The following IYD variants were observed in gnomAD, a reference collection of about 807,000 sequenced individuals.
IYD encodes iodotyrosine deiodinase.
Under a neutral mutation model 28.4 loss-of-function variants are expected in IYD, and 25 were observed. That is an observed-to-expected ratio of 0.88 (90% confidence interval 0.64 to 1.23). The LOEUF is 1.23. IYD is among the 50% of genes most tolerant of loss of function. The pLI is 0.00. For synonymous variants in IYD, 140 were observed against 130.8 expected, an observed-to-expected ratio of 1.07 and a Z score of -0.48; for missense variants, 352 against 357.9, an observed-to-expected ratio of 0.98 and a Z score of 0.13.
At chr6:150,377,768 C>T (rs1777502198) in intron 1 of IYD, among the ~76,000 whole-genome samples, 1 of 152,194 alleles carries the variant, frequency 6.6e-6, no homozygotes, top group Non-Finnish European at 1.5e-5. Context: ...TGCTTATATA[C>T]CACTTATTAA....
intron 4 of IYD, 59 bp from the exon 5 acceptor site, chr6:150,397,996 A>G (rs934537779): frequency 6.6e-7 from 1 of 1,511,110 alleles, no homozygotes; most frequent in Admixed American, 1.7e-5. Flanking sequence ...CCCAGGTTAG[A>G]GGGAGAGCAG....
At position 150,399,104 on chromosome 6, in the gene IYD, G is replaced by A. The variant is rs1778428956; in HGVS notation, c.*867G>A. ...TCACAGAACAGGACAGGGTACCCTT[G>A]GGTCGCACGGGCCTGGCTGGCATGT... On this transcript the variant is annotated 3_prime_UTR_variant, in exon 5 of 5. Coordinates refer to ENST00000344419, the MANE Select transcript of IYD (RefSeq NM_203395.3). 6.6e-6 allele frequency: 1 copy of A among 152,254 alleles called. No homozygotes were observed. The highest frequency in any genetic ancestry group is 2.1e-4 in the South Asian group (1 of 4,824). 9.4% of individuals were successfully genotyped at this position (152,254 alleles called of 1,614,324 possible).
At chr6:150,372,840 C>G (rs1407030182) in intron 1 of IYD, among the ~76,000 whole-genome samples, 12 of 152,058 alleles carry the variant, frequency 7.9e-5, no homozygotes, top group Non-Finnish European at 1.6e-4. Flanking sequence ...CTTTGCAAAC[C>G]AGCCAAGGTT....
intron 1 of IYD, among the ~76,000 whole-genome samples, chr6:150,378,030 A>G (rs1377805943): frequency 6.6e-6 from 1 of 152,162 alleles, no homozygotes; most frequent in Non-Finnish European, 1.5e-5. Context: ...CCTCACTAAG[A>G]GCTATAAGCC....
chr6:150,395,278 C>T, intron 4 of IYD: 1 of 706,740 alleles, frequency 1.4e-6, no homozygotes, highest in Non-Finnish European at 2.3e-6. Flanking sequence ...GAGCAAGTAA[C>T]CATACTTTTG....
chr6:150,378,884 A>G, intron 1 of IYD, among the ~76,000 whole-genome samples: 1 of 152,186 alleles, frequency 6.6e-6, no homozygotes, highest in Non-Finnish European at 1.5e-5. Flanking sequence ...AAGACTTGGA[A>G]CCAACCCAAA....
At chr6:150,374,612 C>T (rs1204036827) in intron 1 of IYD, among the ~76,000 whole-genome samples, 4 of 152,216 alleles carry the variant, frequency 2.6e-5, no homozygotes. Flanking sequence ...GACTTATTCA[C>T]TACCACAAGA....
intron 3 of IYD, among the ~76,000 whole-genome samples, chr6:150,393,352 A>G (rs1328863932): frequency 6.6e-6 from 1 of 152,226 alleles, no homozygotes; most frequent in Non-Finnish European, 1.5e-5. Context: ...AAATGTGACT[A>G]AGCTGGTTGA....
In IYD at chr6:150,401,715, T is replaced by A. The variant is rs923409034; in HGVS notation, c.*3478T>A. The A allele has an allele frequency of 6.6e-5, 10 of 152,154 alleles. No individual in the cohort carries two copies. Among genetic ancestry groups the A allele is most frequent in the African/African-American group, 2.4e-4 (10 of 41,436 alleles). 9.4% of individuals were successfully genotyped at this position (152,154 alleles called of 1,614,324 possible). ...AATAGTGGTCGGGGAGGCTTATAGA[T>A]CCTCTTGCTGTTCTGAGGCCTTAAA... On this transcript the variant is annotated 3_prime_UTR_variant, in exon 5 of 5. Transcript: ENST00000344419.
chr6:150,370,656 G>A, intron 1 of IYD: 1 of 985,414 alleles, frequency 1.0e-6, no homozygotes, highest in Non-Finnish European at 1.2e-6. Flanking sequence ...AACATCTGCT[G>A]TGAAGCTGGG....
intron 1 of IYD, among the ~76,000 whole-genome samples, chr6:150,386,620 T>A (rs144730790): frequency 6.4e-4 from 97 of 152,312 alleles, no homozygotes; most frequent in African/African-American, 2.2e-3. Context: ...CCGAAAGAGA[T>A]GCATTAAGAT....
rs555728613 is a variant in IYD at position 150,404,228 on chromosome 6, A to T, written c.*5991A>T. 6.6e-6 allele frequency: 1 copy of T among 152,344 alleles called. No homozygotes were observed. The highest frequency in any genetic ancestry group is 6.5e-5 in the Admixed American group (1 of 15,298). The allele number at this position is 152,344 out of a possible 1,614,324, so 9.4% of individuals were successfully genotyped here. A position where few individuals can be genotyped will look rare whatever the true frequency, so the allele number is the denominator to read the frequency against. On this transcript the variant is annotated 3_prime_UTR_variant, in exon 5 of 5. Transcript: ENST00000344419. ...ATTTTCCAACTCTGGGAATGTGTAG[A>T]ATTCATTATGGAAATAATGCAATAA... is the stretch of plus-strand genomic sequence containing the variant.
intron 1 of IYD, among the ~76,000 whole-genome samples, chr6:150,375,296 G>A (rs138275178): frequency 5.5e-4 from 84 of 152,290 alleles, no homozygotes; most frequent in African/African-American, 2.0e-3. Context: ...CCAAAGTGTG[G>A]AGGTCACTGA....
intron 1 of IYD, chr6:150,370,095 G>A: frequency 1.4e-6 from 1 of 699,304 alleles, no homozygotes; most frequent in South Asian, 1.5e-5. Context: ...TTTGGAAGAG[G>A]CTCTGTGATC....
In IYD at chr6:150,400,799, A is replaced by C. The variant is rs1359854823; in HGVS notation, c.*2562A>C. 1 of 152,252 alleles carries C rather than the reference A, an allele frequency of 6.6e-6. No individual in the cohort carries two copies. The highest frequency in any genetic ancestry group is 2.1e-4 in the South Asian group (1 of 4,830). 9.4% of individuals were successfully genotyped at this position (152,252 alleles called of 1,614,324 possible). A position where few individuals can be genotyped will look rare whatever the true frequency, so the allele number is the denominator to read the frequency against. Reference sequence around the variant, plus strand: ...TTAACAAGATGCCCAGGTGATCTGCATGCCTGTTAAAGTCTGAGCTCTGTT... The same window carrying C: ...TTAACAAGATGCCCAGGTGATCTGCCTGCCTGTTAAAGTCTGAGCTCTGTT... On this transcript the variant is annotated 3_prime_UTR_variant, in exon 5 of 5. Coordinates refer to ENST00000344419, the MANE Select transcript of IYD (RefSeq NM_203395.3).
chr6:150,372,246 A>ATG (rs1432079851), intron 1 of IYD, among the ~76,000 whole-genome samples: 1 of 148,552 alleles, frequency 6.7e-6, no homozygotes, highest in Non-Finnish European at 1.5e-5. Flanking sequence ...GAGAATCGGC[A>ATG]TGTGTGTGTG....
intron 1 of IYD, among the ~76,000 whole-genome samples, chr6:150,375,451 G>A (rs537062927): frequency 6.6e-6 from 1 of 152,150 alleles, no homozygotes; most frequent in African/African-American, 2.4e-5. Flanking sequence ...ATTTTAAGTA[G>A]TTTTTAAATA....
chr6:150,396,559 G>A, intron 4 of IYD: 2 of 664,580 alleles, frequency 3.0e-6, no homozygotes, highest in Non-Finnish European at 5.4e-6. Flanking sequence ...ACTAAATTAA[G>A]GTGTAAATAT....
chr6:150,370,959 C>T (rs971821683), intron 1 of IYD, among the ~76,000 whole-genome samples: 2 of 152,078 alleles, frequency 1.3e-5, no homozygotes, highest in African/African-American at 2.4e-5. Context: ...TGTTAGGGGC[C>T]CAGGCCACAG....
Sources: allele counts gnomAD v4.1 joint callset (sites outside exome capture counted in the v4.1 genomes callset), GRCh38; gene constraint gnomAD v4.1.1; transcripts MANE v1.5; gene names NCBI Gene and HGNC (gene_info 2026-07-23, HGNC 2026-07-21).